SORCS1: variants seen among roughly 807,000 people sequenced by gnomAD.
SORCS1 encodes VPS10 domain-containing receptor SorCS1.
Under a neutral mutation model 146.1 loss-of-function variants are expected in SORCS1, and 60 were observed. The ratio of observed to expected loss-of-function variants is 0.41; its 90% confidence interval spans 0.33 to 0.51. The LOEUF is 0.51. Ranked by LOEUF, SORCS1 falls within the 20% of genes least tolerant of loss-of-function variation. The probability of loss-of-function intolerance (pLI) is 0.21; values close to 1 mark genes in which losing one functional copy is unlikely to be tolerated. For synonymous variants in SORCS1, 637 were observed against 584.0 expected, an observed-to-expected ratio of 1.09 and a Z score of -1.31; for missense variants, 1,352 against 1,487.6, an observed-to-expected ratio of 0.91 and a Z score of 1.50.
At chr10:107,126,255 C>A (rs1966705553) in intron 1 of SORCS1, among the ~76,000 whole-genome samples, 1 of 152,040 alleles carries the variant, frequency 6.6e-6, no homozygotes, top group Admixed American at 6.6e-5. Flanking sequence ...CAACAAAGCA[C>A]TCTCCAATGT....
intron 3 of SORCS1, among the ~76,000 whole-genome samples, chr10:106,809,278 T>C (rs1425047834): frequency 5.3e-5 from 8 of 152,062 alleles, no homozygotes; most frequent in South Asian, 2.1e-4. Flanking sequence ...TTCTTAGACA[T>C]TGGAAATGAA....
intron 5 of SORCS1, among the ~76,000 whole-genome samples, chr10:106,760,216 G>C (rs1305201720): frequency 1.3e-5 from 2 of 151,944 alleles, no homozygotes; most frequent in East Asian, 1.9e-4. Context: ...AGGCCGAGGT[G>C]GGGGGATCTT....
At chr10:106,704,589 C>T in intron 8 of SORCS1, among the ~76,000 whole-genome samples, 1 of 152,168 alleles carries the variant, frequency 6.6e-6, no homozygotes, top group East Asian at 1.9e-4. Flanking sequence ...ACTCGGGAGG[C>T]TGAGGCAGGA....
At chr10:106,938,350 G>T (rs1017097204) in intron 2 of SORCS1, among the ~76,000 whole-genome samples, 2 of 152,174 alleles carry the variant, frequency 1.3e-5, no homozygotes, top group African/African-American at 4.8e-5. Context: ...AAGAAAAATG[G>T]CCTGAAGATA....
At chr10:107,150,320 T>C (rs1968679413) in intron 1 of SORCS1, among the ~76,000 whole-genome samples, 1 of 152,244 alleles carries the variant, frequency 6.6e-6, no homozygotes, top group Non-Finnish European at 1.5e-5. Flanking sequence ...CTTTCCACCA[T>C]TCAGAACATC....
At chr10:106,875,211 G>A (rs577828177) in intron 2 of SORCS1, among the ~76,000 whole-genome samples, 1 of 152,142 alleles carries the variant, frequency 6.6e-6, no homozygotes, top group South Asian at 2.1e-4. Flanking sequence ...AGAACAAACG[G>A]TATTTGATTT....
intron 18 of SORCS1, among the ~76,000 whole-genome samples, chr10:106,630,225 G>C (rs1416985993): frequency 6.6e-6 from 1 of 152,118 alleles, no homozygotes; most frequent in Non-Finnish European, 1.5e-5. Context: ...ATATCTGATA[G>C]GACACTGTAC....
intron 3 of SORCS1, among the ~76,000 whole-genome samples, chr10:106,782,772 G>A (rs1232559725): frequency 6.6e-6 from 1 of 152,130 alleles, no homozygotes; most frequent in African/African-American, 2.4e-5. Context: ...ATTGTGAATG[G>A]CACTGAACTT....
the SORCS1 span, among the ~76,000 whole-genome samples, chr10:107,179,051 T>C: frequency 5.3e-5 from 8 of 152,298 alleles, no homozygotes; most frequent in East Asian, 1.5e-3. Flanking sequence ...TTGTTATCCA[T>C]GATGGCTGTA....
At chr10:106,581,700 C>T (rs370113175) in intron 24 of SORCS1, among the ~76,000 whole-genome samples, 3 of 152,282 alleles carry the variant, frequency 2.0e-5, no homozygotes, top group East Asian at 1.9e-4. Context: ...TCCCCACAAC[C>T]TCCAACCACT....
chr10:107,048,578 A>C (rs1959745149), intron 1 of SORCS1, among the ~76,000 whole-genome samples: 2 of 152,228 alleles, frequency 1.3e-5, no homozygotes, highest in African/African-American at 4.8e-5. Flanking sequence ...ATTATTTAAT[A>C]ATATCTAATA....
At chr10:106,958,400 C>T (rs1273349406) in intron 1 of SORCS1, among the ~76,000 whole-genome samples, 5 of 152,144 alleles carry the variant, frequency 3.3e-5, no homozygotes, top group Admixed American at 6.5e-5. Context: ...CCTTAAATTC[C>T]GGGGCTGTAA....
intron 1 of SORCS1, among the ~76,000 whole-genome samples, chr10:107,036,590 G>T (rs956044331): frequency 1.3e-5 from 2 of 152,186 alleles, no homozygotes; most frequent in Non-Finnish European, 2.9e-5. Context: ...TATTTGGGTT[G>T]ATTGGCCCAA....
At chr10:106,953,309 C>A (rs1954788797) in intron 2 of SORCS1, among the ~76,000 whole-genome samples, 2 of 152,050 alleles carry the variant, frequency 1.3e-5, no homozygotes, top group Admixed American at 1.3e-4. Context: ...ATATGACTTA[C>A]TGACCTTCTC....
rs764900238 is a variant in SORCS1, at chr10:107,164,105, C to G, written c.422G>C (p.Gly141Ala). 1 of 1,613,876 alleles carries G rather than the reference C, an allele frequency of 6.2e-7. No individual in the cohort carries two copies. The highest frequency in any genetic ancestry group is 8.5e-7 in the Non-Finnish European group (1 of 1,180,002). ...VLRDGGQQEP[G>A]TRERDPDKAT... Reference sequence around the variant, plus strand: ...TTTGTCCGGGTCCCGCTCCCGAGTCCCAGGCTCCTGCTGCCCTCCATCTCT... The same window carrying G: ...TTTGTCCGGGTCCCGCTCCCGAGTCGCAGGCTCCTGCTGCCCTCCATCTCT... Residue 141 changes from glycine to alanine, a missense_variant, in exon 1 of 26, where the codon GGG (glycine) becomes GCG (alanine). Coordinates refer to ENST00000263054, the MANE Select transcript of SORCS1 (RefSeq NM_052918.5). This position sits in a 1 kb window ranked among gnomAD's most constrained non-coding sequence, Gnocchi z 6.8.
intron 1 of SORCS1, among the ~76,000 whole-genome samples, chr10:106,980,392 C>A (rs11193141): frequency 0.055 from 8,328 of 152,234 alleles, 723 homozygotes; most frequent in African/African-American, 0.18. Context: ...TTTTAGTTGC[C>A]TTCTATCTTG....
At chr10:106,618,636 G>C (rs992668230) in intron 20 of SORCS1, among the ~76,000 whole-genome samples, 4 of 152,078 alleles carry the variant, frequency 2.6e-5, no homozygotes, top group African/African-American at 9.7e-5. Flanking sequence ...ATGAGAACGG[G>C]GGCTCATATT....
At chr10:106,954,395 T>C (rs1444604395) in intron 2 of SORCS1, among the ~76,000 whole-genome samples, 1 of 152,134 alleles carries the variant, frequency 6.6e-6, no homozygotes, top group Non-Finnish European at 1.5e-5. Flanking sequence ...TGAAGCAATA[T>C]AGTAGGTGCG....
chr10:106,586,239 C>T (rs1845227186), intron 24 of SORCS1, among the ~76,000 whole-genome samples: 2 of 152,106 alleles, frequency 1.3e-5, no homozygotes, highest in Non-Finnish European at 2.9e-5. Context: ...AAAGATAAGA[C>T]ACTTTAAGAA....
Sources: gnomAD v4.1 joint callset for allele counts (sites outside exome capture counted in the v4.1 genomes callset) on GRCh38, gnomAD v4.1.1 for gene constraint, Gnocchi (gnomAD v3.1) non-coding constraint, MANE v1.5 for transcripts, NCBI Gene and HGNC (gene_info 2026-07-23, HGNC 2026-07-21) for gene names.